The following PHF3 variants were observed in gnomAD, a reference collection of about 807,000 sequenced individuals.
PHF3 encodes the protein PHD finger protein 3.
A neutral mutation model predicts 178.4 loss-of-function variants in PHF3; 41 were observed. The ratio of observed to expected loss-of-function variants is 0.23; its 90% CI spans 0.18 to 0.30. The LOEUF is 0.30. Ranked by LOEUF, PHF3 falls within the 10% of genes least tolerant of loss-of-function variation. The pLI is 1.00. For synonymous variants in PHF3, 842 were observed against 800.5 expected (o/e 1.05, Z -0.88); for missense variants, 2,346 against 2,398.1 (o/e 0.98, Z 0.45).
intron 2 of PHF3, among the ~76,000 whole-genome samples, chr6:63,652,963 G>A (rs375787768): frequency 6.7e-6 from 1 of 149,706 alleles, no homozygotes; most frequent in East Asian, 1.9e-4. Context: ...GTCCAGTAGT[G>A]TGATAACTCC....
At chr6:63,706,327 C>T (rs962668514) in intron 12 of PHF3, 103 bp downstream of exon 12, 32 of 816,830 alleles carry the variant, frequency 3.9e-5, no homozygotes, top group East Asian at 7.9e-5. Flanking sequence ...GGGAACCTCT[C>T]ATTTGAGAAA....
intron 10 of PHF3, among the ~76,000 whole-genome samples, chr6:63,703,004 A>G (rs1206644858): frequency 1.3e-5 from 2 of 152,140 alleles, no homozygotes; most frequent in Non-Finnish European, 2.9e-5. Flanking sequence ...CAGCCTCCCA[A>G]GTAGTTGGGA....
At chr6:63,709,298 T>C in intron 14 of PHF3, 58 bp downstream of exon 14, 1 of 1,153,438 alleles carries the variant, frequency 8.7e-7, no homozygotes, top group Non-Finnish European at 1.3e-6. Flanking sequence ...AGTAAACAGT[T>C]TAGAATTCTT....
In PHF3 at chr6:63,700,377, G is replaced by A; in HGVS notation, c.3010G>A (p.Glu1004Lys). Residue 1004 changes from glutamate to lysine, a missense_variant, in exon 9 of 16, where the codon GAA (glutamate) becomes AAA (lysine). Glu to Lys is a moderately conservative substitution (Grantham distance 56, BLOSUM62 1). This residue lies in a region of PHF3 where 45 missense variants were observed against 87.9 expected (regional missense o/e 0.51). Transcript: ENST00000262043. ...ATTATTTAAAAAAGTACTGAAAGGAGAAGTAACTCCTGATCATCTTATCAG... is the reference window on the plus strand; with the variant it reads ...ATTATTTAAAAAAGTACTGAAAGGAAAAGTAACTCCTGATCATCTTATCAG... ...NILFKKVLKG[E>K]VTPDHLIRMS... is the part of the protein sequence containing the mutation. 1 of 1,578,302 alleles carries A rather than the reference G, an allele frequency of 6.3e-7. No homozygotes were observed. Among genetic ancestry groups the A allele is most frequent in the Non-Finnish European group, 8.7e-7 (1 of 1,153,604 alleles).
intron 2 of PHF3, among the ~76,000 whole-genome samples, chr6:63,664,258 G>C (rs1765586776): frequency 6.6e-6 from 1 of 152,174 alleles, no homozygotes; most frequent in Non-Finnish European, 1.5e-5. Context: ...AAGACTTCTA[G>C]ACTGTATATC....
intron 2 of PHF3, among the ~76,000 whole-genome samples, chr6:63,666,832 C>CA (rs1316267422): frequency 1.3e-5 from 2 of 151,082 alleles, no homozygotes; most frequent in Non-Finnish European, 2.9e-5. Flanking sequence ...GCTCACTGCA[C>CA]TGTCTGCCTC....
intron 6 of PHF3, 152 bp downstream of exon 6, chr6:63,694,916 C>A: frequency 2.6e-6 from 1 of 385,962 alleles, no homozygotes. Flanking sequence ...GGTGATTGGC[C>A]TTACTTGTAA....
intron 3 of PHF3, among the ~76,000 whole-genome samples, chr6:63,683,108 G>A (rs1324135113): frequency 1.3e-5 from 2 of 151,872 alleles, no homozygotes; most frequent in Non-Finnish European, 2.9e-5. Context: ...ACTTTGTTGT[G>A]TCCTATGGGA....
chr6:63,703,779 T>A, intron 11 of PHF3, 108 bp downstream of exon 11: 1 of 1,030,920 alleles, frequency 9.7e-7, no homozygotes, highest in Non-Finnish European at 1.4e-6. Flanking sequence ...ATATTGGTGG[T>A]GAGGCACTCA....
intron 10 of PHF3, among the ~76,000 whole-genome samples, chr6:63,703,031 A>G (rs1167748589): frequency 3.9e-5 from 6 of 152,048 alleles, no homozygotes; most frequent in African/African-American, 9.7e-5. Flanking sequence ...GCATGCGCCA[A>G]TACACCCAGC....
intron 14 of PHF3, among the ~76,000 whole-genome samples, 167 bp from the exon 15 acceptor site, chr6:63,711,000 A>T (rs1767902910): frequency 6.6e-6 from 1 of 152,168 alleles, no homozygotes; most frequent in African/African-American, 2.4e-5. Context: ...TTTTCTTAAG[A>T]GTTACTTGCT....
At chr6:63,710,193 A>G (rs576491236) in intron 14 of PHF3, among the ~76,000 whole-genome samples, 23 of 152,244 alleles carry the variant, frequency 1.5e-4, no homozygotes, top group Non-Finnish European at 3.4e-4. Context: ...TAAAATACAA[A>G]TAAACTTTAA....
At chr6:63,687,491 AGTTAGGTG>A (rs1766764542) in intron 4 of PHF3, among the ~76,000 whole-genome samples, 1 of 152,202 alleles carries the variant, frequency 6.6e-6, no homozygotes, top group African/African-American at 2.4e-5. Context: ...GAGAATTAAG[AGTTAGGTG>A]GTGCTTTTAA....
intron 6 of PHF3, among the ~76,000 whole-genome samples, chr6:63,696,520 T>C (rs1420591597): frequency 2.0e-5 from 3 of 152,202 alleles, no homozygotes; most frequent in African/African-American, 7.2e-5. Flanking sequence ...TGTTTCGTTA[T>C]GTTGGCCAGG....
At position 63,646,559 on chromosome 6, in the gene PHF3, T is replaced by C; in HGVS notation, c.8T>C (p.Ile3Thr). The change falls in exon 2 of 16, where the codon ATA (isoleucine) becomes ACA (threonine). Residue 3 changes from isoleucine to threonine, a missense_variant. By Grantham distance (89) the Ile-to-Thr change is moderately conservative. Around this residue, in one of 8 missense-constraint regions of PHF3, gnomAD observed 843 missense variants for 795.2 expected, o/e 1.06. Coordinates refer to ENST00000262043, the MANE Select transcript of PHF3 (RefSeq NM_001370348.2). MD[I>T]VDTFNHLIPT... is the part of the protein sequence containing the mutation. ...AGACACACAGAAGTCTTCATGGATA[T>C]AGTTGATACATTTAATCATTTAATT... is the stretch of plus-strand genomic sequence containing the variant. 1 of 1,609,654 alleles carries C rather than the reference T, an allele frequency of 6.2e-7. No individual in the cohort carries two copies. Among genetic ancestry groups the C allele is most frequent in the Non-Finnish European group, 8.5e-7 (1 of 1,176,692 alleles).
At position 63,720,693 on chromosome 6, in the gene PHF3, T is replaced by C. The variant is rs1768342137; in HGVS notation, c.*6985T>C. ...TGGTTCCTGAAAAAATACAACATCT[T>C]TAATTTTGCCAACAAAATTGGTTTT... On this transcript the variant is annotated 3_prime_UTR_variant, in exon 16 of 16. Coordinates refer to ENST00000262043, the MANE Select transcript of PHF3 (RefSeq NM_001370348.2). 6.5e-7 allele frequency: 1 copy of C among 1,548,618 alleles called. No homozygotes were observed. The highest frequency in any genetic ancestry group is 8.7e-7 in the Non-Finnish European group (1 of 1,145,768).
Position 63,685,428 on chromosome 6 carries a change from A to C in PHF3, c.1706A>C (p.Lys569Thr). The C allele has an allele frequency of 6.2e-7, 1 of 1,614,098 alleles. No homozygotes were observed. The highest frequency in any genetic ancestry group is 8.5e-7 in the Non-Finnish European group (1 of 1,180,006). The change falls in exon 4 of 16, where the codon AAA becomes ACA. Residue 569 changes from lysine to threonine, a missense_variant. Physicochemically the swap from Lys to Thr is moderately conservative, Grantham distance 78. Transcript: ENST00000262043. ...QSCNSGVKSV[K>T]NQAHSVLKKT... is the part of the protein sequence containing the mutation. ...TGCAATTCTGGGGTTAAATCTGTGA[A>C]AAACCAAGCTCATTCTGTACTGAAA...
intron 2 of PHF3, among the ~76,000 whole-genome samples, chr6:63,671,017 A>T (rs1442507198): frequency 2.0e-5 from 3 of 152,114 alleles, no homozygotes; most frequent in African/African-American, 7.2e-5. Context: ...GAAATGTTAC[A>T]GAATGAAGTG....
chr6:63,703,683 T>C lies in PHF3; in HGVS notation c.3367+12T>C, dbSNP rs929144662. ...CAAAATCTGCATAGGTAATTGGAAG[T>C]TTTTCTTCGTAAAATTTTGCATTCA... On this transcript the variant is annotated intron_variant, in intron 11 of 15. Coordinates refer to ENST00000262043, the MANE Select transcript of PHF3 (RefSeq NM_001370348.2). 1.3e-6 allele frequency: 2 copies of C among 1,582,144 alleles called. No homozygotes were observed. The highest frequency in any genetic ancestry group is 1.2e-5 in the South Asian group (1 of 85,114).
Sources: allele counts gnomAD v4.1 joint callset (sites outside exome capture counted in the v4.1 genomes callset), GRCh38; gene constraint gnomAD v4.1.1; regional missense constraint gnomAD v4.1.1; transcripts MANE v1.5; gene names NCBI Gene and HGNC (gene_info 2026-07-23, HGNC 2026-07-21).